MGA: variants seen among roughly 807,000 people sequenced by gnomAD.
The protein encoded by MGA is MAX dimerization protein MGA, also known as MAX gene-associated protein.
A neutral mutation model predicts 261.1 loss-of-function variants in MGA; 40 were observed. The observed-to-expected ratio is 0.15, with a 90% CI of 0.12 to 0.20. MGA has a LOEUF of 0.20. MGA is among the 10% of genes least tolerant of loss of function. The pLI is 1.00. For missense variants in MGA, 3,397 were observed against 3,630.5 expected (o/e 0.94, Z 1.65); for synonymous variants, 1,302 against 1,290.6 (o/e 1.01, Z -0.19).
chr15:41,654,118 A>T (rs1205203207), intron 1 of MGA, among the ~76,000 whole-genome samples: 5 of 151,992 alleles, frequency 3.3e-5, no homozygotes, highest in Non-Finnish European at 5.9e-5. Context: ...CTGACTCTTG[A>T]CTTCTTGGCA....
chr15:41,684,305 G>A, intron 2 of MGA: 1 of 422,284 alleles, frequency 2.4e-6, no homozygotes, highest in East Asian at 7.1e-5. Context: ...ACATTAATAT[G>A]TAGTGTTATT....
Position 41,766,456 on chromosome 15 carries a change from C to T in MGA, c.8374C>T (p.Leu2792=). ...CAAGGACTCAAGCATAGAGATGGAA[C>T]TGAGGAAAGTAACATCAGCTATAGA... Residue 2792 remains leucine (L), a synonymous_variant, in exon 24 of 24, where the codon CTG becomes TTG. Coordinates refer to ENST00000219905, the MANE Select transcript of MGA (RefSeq NM_001164273.2). 1 of 1,613,930 alleles carries T rather than the reference C, an allele frequency of 6.2e-7. No homozygotes were observed.
intron 2 of MGA, among the ~76,000 whole-genome samples, chr15:41,682,079 G>C (rs1393147384): frequency 6.6e-6 from 1 of 151,834 alleles, no homozygotes; most frequent in East Asian, 1.9e-4. Flanking sequence ...CACCATGCCC[G>C]GCTAATTTTG....
chr15:41,749,848 G>A lies in MGA; in HGVS notation c.6241G>A (p.Val2081Met). ...GAATCGTAAGAGTTCCAAAGAAAAA[G>A]TGGCTGTTCTGGAAGTTAGGACCAT... The change falls in exon 17 of 24, where the codon GTG becomes ATG. Residue 2081 changes from valine to methionine, a missense_variant. Val to Met is a conservative substitution (Grantham distance 21). Around this residue, in one of 9 missense-constraint regions of MGA, gnomAD observed 1,410 missense variants for 1,386.4 expected, o/e 1.02. Transcript: ENST00000219905. 6.2e-7 allele frequency: 1 copy of A among 1,613,888 alleles called. No homozygotes were observed. The highest frequency in any genetic ancestry group is 1.1e-5 in the South Asian group (1 of 91,080).
intron 1 of MGA, among the ~76,000 whole-genome samples, chr15:41,651,551 TCTTCCCCTTC>T (rs753955103): frequency 6.7e-6 from 1 of 148,518 alleles, no homozygotes; most frequent in Admixed American, 6.8e-5. Flanking sequence ...TCCCTGTACA[TCTTCCCCTTC>T]CTTCCCCTTC....
At chr15:41,727,152 TA>T (rs2061294624) in intron 9 of MGA, 27 bp from the exon 10 acceptor site, 2 of 1,578,340 alleles carry the variant, frequency 1.3e-6, no homozygotes, top group Non-Finnish European at 1.7e-6. Flanking sequence ...CAAAAGTACC[TA>T]AAACCTTACC....
In MGA at chr15:41,749,626, G is replaced by T. The variant is rs753156906; in HGVS notation, c.6019G>T (p.Val2007Leu). The T allele has an allele frequency of 6.2e-7, 1 of 1,613,920 alleles. No homozygotes were observed. Among genetic ancestry groups the T allele is most frequent in the South Asian group, 1.1e-5 (1 of 91,076 alleles). The change falls in exon 17 of 24, where the codon GTA (valine) becomes TTA (leucine). Residue 2007 changes from valine (V) to leucine (L), a missense_variant. Transcript: ENST00000219905. The stretch of plus-strand genomic sequence containing the variant: ...AGAGGCTGTAGACCCTGAGGCTAAT[G>T]TAATAAAACAAAACTCAGGAGCTGC...
intron 2 of MGA, among the ~76,000 whole-genome samples, chr15:41,689,484 G>T (rs1044727209): frequency 1.2e-4 from 18 of 150,004 alleles, no homozygotes; most frequent in African/African-American, 4.2e-4. Context: ...TATAAGAAAA[G>T]TCTTTTATAT....
At position 41,685,873 on chromosome 15, in the gene MGA, C is replaced by T. The variant is rs575724517; in HGVS notation, c.1065-10202C>T. Among the ~76,000 whole-genome samples the T allele has an allele frequency of 9.0e-4, 136 of 151,884 alleles. No individual in the cohort carries two copies. In the South Asian group the frequency reaches 0.011, roughly 12 times the overall value. ...AAAAGAAATTAGCTGGGTGTGGTTG[C>T]GGGCACCTGTAGTCCCAGCTACTCA... On this transcript the variant is annotated intron_variant, in intron 2 of 23. Transcript: ENST00000219905.
intron 5 of MGA, among the ~76,000 whole-genome samples, chr15:41,701,375 TC>T (rs1406554081): frequency 6.6e-6 from 1 of 152,208 alleles, no homozygotes; most frequent in Non-Finnish European, 1.5e-5. Context: ...TTGCAGCTGG[TC>T]CTTTTGCTCT....
intron 2 of MGA, among the ~76,000 whole-genome samples, chr15:41,688,107 G>T (rs762552509): frequency 6.6e-6 from 1 of 152,048 alleles, no homozygotes; most frequent in Non-Finnish European, 1.5e-5. Flanking sequence ...ATGGAACCTC[G>T]CTCTGTCACT....
chr15:41,749,785 C>G lies in MGA; in HGVS notation c.6178C>G (p.Gln2060Glu). The G allele has an allele frequency of 1.2e-6, 2 of 1,613,812 alleles. No individual in the cohort carries two copies. Among genetic ancestry groups the G allele is most frequent in the Non-Finnish European group, 1.7e-6 (2 of 1,179,856 alleles). ...CTGTATCACTGGGTCACATACAGAT[C>G]AAGATTATAAAGATGTTAATGAAGA... Residue 2060 changes from glutamine (Q) to glutamate (E), a missense_variant, in exon 17 of 24, where the codon CAA becomes GAA. By Grantham distance (29) the Gln-to-Glu change is conservative. Around this residue, in one of 9 missense-constraint regions of MGA, gnomAD observed 1,410 missense variants for 1,386.4 expected, o/e 1.02. Coordinates refer to ENST00000219905, the MANE Select transcript of MGA (RefSeq NM_001164273.2).
intron 2 of MGA, chr15:41,684,429 C>G (rs917811162): frequency 2.2e-6 from 1 of 449,562 alleles, no homozygotes; most frequent in African/African-American, 2.0e-5. Flanking sequence ...ATAGAAGAGA[C>G]TTCTCAGAAG....
chr15:41,665,175 G>A (rs1429896410), intron 1 of MGA, among the ~76,000 whole-genome samples: 5 of 152,122 alleles, frequency 3.3e-5, no homozygotes, highest in African/African-American at 9.7e-5. Context: ...TTCAGATTAG[G>A]TGCTTTTGCT....
At chr15:41,753,234 AC>A (rs991800597) in intron 17 of MGA, among the ~76,000 whole-genome samples, 1 of 152,040 alleles carries the variant, frequency 6.6e-6, no homozygotes, top group African/African-American at 2.4e-5. Flanking sequence ...ACATGGTGAA[AC>A]CCCATCTCTA....
In MGA at chr15:41,750,871, C is replaced by CTA. The variant is rs2062792410; in HGVS notation, c.7008+256_7008+257insTA. ...ATTTGGGGGATAGGTGCTTGAGAGT[C>CTA]CCTACCGAGTTAGATTTTTAAAATC... is the stretch of plus-strand genomic sequence containing the variant. On this transcript the variant is annotated intron_variant, in intron 17 of 23. Coordinates refer to ENST00000219905, the MANE Select transcript of MGA (RefSeq NM_001164273.2). 2.9e-5 allele frequency: 9 copies of CTA among 306,080 alleles called. No homozygotes were observed. The South Asian group carries it at 6.8e-4, about 23-fold the overall frequency. The allele number at this position is 306,080 out of a possible 1,614,324, so 19.0% of individuals were successfully genotyped here. A position where few individuals can be genotyped will look rare whatever the true frequency, so the allele number is the denominator to read the frequency against.
rs1378988814 is a variant in MGA, at chr15:41,762,350, G to T, written c.7732G>T (p.Asp2578Tyr). The T allele has an allele frequency of 6.2e-7, 1 of 1,608,392 alleles. No individual in the cohort carries two copies. The highest frequency in any genetic ancestry group is 1.1e-5 in the South Asian group (1 of 90,882). ...ACCTTTGATTCTTTCCAGAAAAAAAGACCAGGCCACAGGTAGGAGGGACAT... is the reference window on the plus strand; with the variant it reads ...ACCTTTGATTCTTTCCAGAAAAAAATACCAGGCCACAGGTAGGAGGGACAT... Residue 2578 changes from aspartate to tyrosine, a missense_variant, in exon 22 of 24, where the codon GAC (aspartate) becomes TAC (tyrosine). By Grantham distance (160) the Asp-to-Tyr change is radical. This residue lies in a region of MGA where 647 missense variants were observed against 642.4 expected (regional missense o/e 1.01). Coordinates refer to ENST00000219905, the MANE Select transcript of MGA (RefSeq NM_001164273.2).
At position 41,742,864 on chromosome 15, in the gene MGA, C is replaced by T. The variant is rs1567065489; in HGVS notation, c.4904C>T (p.Thr1635Ile). ...ACTTATTCTTCTGGTGCCACCACTA[C>T]AGGGGTTGTTGAGGTCTCTGAAACT... Residue 1635 changes from threonine (T) to isoleucine (I), a missense_variant, in exon 15 of 24, where the codon ACA becomes ATA. By Grantham distance (89) the Thr-to-Ile change is moderately conservative (BLOSUM62 -1). This residue lies in a region of MGA where 1,410 missense variants were observed against 1,386.4 expected (regional missense o/e 1.02). Coordinates refer to ENST00000219905, the MANE Select transcript of MGA (RefSeq NM_001164273.2). 1 of 1,614,020 alleles carries T rather than the reference C, an allele frequency of 6.2e-7. No homozygotes were observed.
intron 2 of MGA, among the ~76,000 whole-genome samples, chr15:41,683,418 T>C (rs2058777815): frequency 6.6e-6 from 1 of 152,008 alleles, no homozygotes. Context: ...TTTTTGTAGA[T>C]ACAAGGTCTC....
Sources: gnomAD v4.1 joint callset for allele counts (sites outside exome capture counted in the v4.1 genomes callset) on GRCh38, gnomAD v4.1.1 for gene constraint, gnomAD v4.1.1 regional missense constraint, MANE v1.5 for transcripts, NCBI Gene and HGNC (gene_info 2026-07-23, HGNC 2026-07-21) for gene names.